Variants in HORMAD2 observed in about 807,000 individuals in gnomAD.
HORMAD2 encodes the protein HORMA domain containing 2, also known as HORMA domain-containing protein 2.
Under a neutral mutation model 38.8 loss-of-function variants are expected in HORMAD2, and 45 were observed. The ratio of observed to expected loss-of-function variants is 1.16; its 90% CI spans 0.91 to 1.49. The LOEUF is 1.49. Among genes scored for constraint, HORMAD2 ranks in the 40% most tolerant of loss-of-function variants. The pLI, the probability that HORMAD2 is intolerant of heterozygous loss-of-function variation, is 0.00. For synonymous variants in HORMAD2, 126 were observed against 122.8 expected, an observed-to-expected ratio of 1.03 and a Z score of -0.17; for missense variants, 338 against 367.0, an observed-to-expected ratio of 0.92 and a Z score of 0.65.
chr22:30,105,789 A>G (rs921666161), intron 5 of HORMAD2, among the ~76,000 whole-genome samples: 2 of 152,200 alleles, frequency 1.3e-5, no homozygotes, highest in Non-Finnish European at 2.9e-5. Flanking sequence ...TGAATGGTGA[A>G]TAGCTACTTT....
At chr22:30,133,381 C>T (rs1023637419) in intron 10 of HORMAD2, among the ~76,000 whole-genome samples, 4 of 151,514 alleles carry the variant, frequency 2.6e-5, no homozygotes, top group African/African-American at 7.3e-5. Flanking sequence ...GTCCTTCTGA[C>T]AATGGTAAAG....
At chr22:30,161,056 C>T (rs1384503756) in intron 10 of HORMAD2, among the ~76,000 whole-genome samples, 1 of 152,178 alleles carries the variant, frequency 6.6e-6, no homozygotes, top group Non-Finnish European at 1.5e-5. Context: ...TATCTTGCAA[C>T]TCTGCCTCTG....
At chr22:30,096,866 C>T (rs1230815625) in intron 2 of HORMAD2, among the ~76,000 whole-genome samples, 2 of 152,120 alleles carry the variant, frequency 1.3e-5, no homozygotes, top group Non-Finnish European at 2.9e-5. Context: ...TCTATTTTCA[C>T]ACAAGTAGAC....
At chr22:30,179,241 T>C (rs966459994), downstream of HORMAD2, among the ~76,000 whole-genome samples, 1 of 152,162 alleles carries the variant, frequency 6.6e-6, no homozygotes, top group Non-Finnish European at 1.5e-5. Flanking sequence ...AATAATAAAA[T>C]GAAACTGAAC....
intron 10 of HORMAD2, among the ~76,000 whole-genome samples, chr22:30,154,458 A>G (rs530865852): frequency 6.6e-6 from 1 of 152,304 alleles, no homozygotes; most frequent in South Asian, 2.1e-4. Context: ...TCTCCTATAT[A>G]TTCACAATAT....
At chr22:30,133,557 G>A (rs1228074046) in intron 10 of HORMAD2, among the ~76,000 whole-genome samples, 6 of 150,638 alleles carry the variant, frequency 4.0e-5, no homozygotes, top group African/African-American at 1.2e-4. Context: ...GTATACACAT[G>A]CCATGGTGGT....
chr22:30,186,700 C>CA, the HORMAD2 span, among the ~76,000 whole-genome samples: 3 of 152,154 alleles, frequency 2.0e-5, no homozygotes, highest in Non-Finnish European at 4.4e-5. Context: ...CTGCACCTCC[C>CA]AGGCCTACGT....
the HORMAD2 span, among the ~76,000 whole-genome samples, chr22:30,204,553 T>C: frequency 6.6e-6 from 1 of 152,040 alleles, no homozygotes; most frequent in South Asian, 2.1e-4. Flanking sequence ...GAAATCCAAA[T>C]GTGAAACTCT....
chr22:30,198,459 C>T, the HORMAD2 span, among the ~76,000 whole-genome samples: 1 of 152,036 alleles, frequency 6.6e-6, no homozygotes, highest in Non-Finnish European at 1.5e-5. Flanking sequence ...TGAGTGTCTC[C>T]CCCAGAGGTT....
chr22:30,182,498 G>A, the HORMAD2 span, among the ~76,000 whole-genome samples: 1 of 152,126 alleles, frequency 6.6e-6, no homozygotes, highest in Non-Finnish European at 1.5e-5. Context: ...TCTCCTAAAA[G>A]CAAGCTTTAA....
chr22:30,092,840 G>T (rs1337454460), intron 1 of HORMAD2, among the ~76,000 whole-genome samples: 1 of 151,872 alleles, frequency 6.6e-6, no homozygotes. Context: ...CTGTTCCATT[G>T]GTCTATGTAT....
At chr22:30,095,735 C>G (rs1407507842) in intron 2 of HORMAD2, among the ~76,000 whole-genome samples, 2 of 152,066 alleles carry the variant, frequency 1.3e-5, no homozygotes, top group Non-Finnish European at 2.9e-5. Context: ...AAGAGCATGC[C>G]TGGCTGAAAG....
intron 7 of HORMAD2, among the ~76,000 whole-genome samples, chr22:30,118,170 C>T (rs1415213983): frequency 6.6e-6 from 1 of 152,138 alleles, no homozygotes; most frequent in Non-Finnish European, 1.5e-5. Context: ...AGAATGAAAT[C>T]CAAACCCCTT....
At chr22:30,139,640 T>C (rs1228833047) in intron 10 of HORMAD2, among the ~76,000 whole-genome samples, 5 of 152,078 alleles carry the variant, frequency 3.3e-5, no homozygotes, top group Non-Finnish European at 5.9e-5. Context: ...CAATGTTGAA[T>C]AGAAGTGAAG....
intron 2 of HORMAD2, among the ~76,000 whole-genome samples, chr22:30,097,093 G>A (rs1182878297): frequency 6.6e-6 from 1 of 152,112 alleles, no homozygotes; most frequent in African/African-American, 2.4e-5. Flanking sequence ...TTTGTGCTTG[G>A]CTTAAAGAAA....
chr22:30,152,881 G>A (rs1034711862), intron 10 of HORMAD2, among the ~76,000 whole-genome samples: 6 of 152,186 alleles, frequency 3.9e-5, no homozygotes, highest in South Asian at 4.1e-4. Context: ...CAAGCATCAC[G>A]TGTATGCTGT....
intron 10 of HORMAD2, among the ~76,000 whole-genome samples, chr22:30,169,877 A>G (rs1435349823): frequency 6.6e-6 from 1 of 152,162 alleles, no homozygotes; most frequent in Non-Finnish European, 1.5e-5. Context: ...CTGTACCAAC[A>G]TATCAAGAAA....
downstream of HORMAD2, among the ~76,000 whole-genome samples, chr22:30,181,129 G>A (rs1926699575): frequency 6.6e-6 from 1 of 151,262 alleles, no homozygotes; most frequent in Non-Finnish European, 1.5e-5. Flanking sequence ...TCCCACCTCA[G>A]CCTCCTCCTA....
chr22:30,158,595 T>TTCCTTCCCTCCCTCCC (rs1209084640), intron 10 of HORMAD2, among the ~76,000 whole-genome samples: 1 of 96,068 alleles, frequency 1.0e-5, no homozygotes, highest in East Asian at 3.7e-4. Context: ...CCTTCCTTCC[T>TTCCTTCCCTCCCTCCC]TCCCTCCCTC....
Sources: allele counts gnomAD v4.1 joint callset (sites outside exome capture counted in the v4.1 genomes callset), GRCh38; gene constraint gnomAD v4.1.1; transcripts MANE v1.5; gene names NCBI Gene and HGNC (gene_info 2026-07-23, HGNC 2026-07-21).